Variants in ESR1 observed in about 807,000 individuals in gnomAD.
ESR1 encodes the protein estrogen receptor.
Under a neutral mutation model 52.7 loss-of-function variants are expected in ESR1, and 12 were observed. That is an observed-to-expected ratio of 0.23 (90% confidence interval 0.15 to 0.37). The LOEUF is 0.37. Ranked by LOEUF, ESR1 falls within the 10% of genes least tolerant of loss-of-function variation. The pLI is 1.00. For synonymous variants in ESR1, 305 were observed against 316.8 expected, an observed-to-expected ratio of 0.96 and a Z score of 0.39; for missense variants, 584 against 779.7, an observed-to-expected ratio of 0.75 and a Z score of 2.99.
Position 152,042,540 on chromosome 6 carries a change from T to C in ESR1, c.1236-18451T>C, listed in dbSNP as rs367796639. ...GGGGAAGGATGGGAGAAAGAGTCAC[T>C]GCATAAATTGTCAGCAATGTAGTGG... On this transcript the variant is annotated intron_variant, in intron 5 of 7. Transcript: ENST00000206249. Among the ~76,000 whole-genome samples, 4 of 152,252 alleles carry C rather than the reference T, an allele frequency of 2.6e-5. No individual in the cohort carries two copies. The East Asian group carries it at 7.7e-4, about 29-fold the overall frequency.
intron 6 of ESR1, among the ~76,000 whole-genome samples, chr6:152,071,540 G>A (rs1585105363): frequency 6.6e-6 from 1 of 152,020 alleles, no homozygotes; most frequent in African/African-American, 2.4e-5. Context: ...TACCTCATAG[G>A]GCTATTTTTA....
chr6:152,024,801 TATAC>T, intron 5 of ESR1, among the ~76,000 whole-genome samples: 1 of 148,702 alleles, frequency 6.7e-6, no homozygotes, highest in South Asian at 2.1e-4. Context: ...TATCTATAAA[TATAC>T]ATATATGTGT....
At chr6:152,042,857 C>A (rs963523961) in intron 5 of ESR1, among the ~76,000 whole-genome samples, 1 of 152,176 alleles carries the variant, frequency 6.6e-6, no homozygotes, top group African/African-American at 2.4e-5. Context: ...CTGACCTTTA[C>A]GGTAATTGCA....
intron 2 of ESR1, among the ~76,000 whole-genome samples, chr6:151,853,125 T>C (rs1273718168): frequency 8.0e-6 from 1 of 124,668 alleles, no homozygotes; most frequent in African/African-American, 3.2e-5. Flanking sequence ...TGAGCCGAGA[T>C]TGCACCACTG....
chr6:152,124,538 A>G (rs1297990798), intron 6 of ESR1, among the ~76,000 whole-genome samples: 1 of 152,200 alleles, frequency 6.6e-6, no homozygotes, highest in African/African-American at 2.4e-5. Flanking sequence ...ATGGTCTTCT[A>G]ACTTTAAAGT....
intron 1 of ESR1, chr6:151,809,330 C>G (rs191913614): frequency 3.9e-4 from 114 of 292,450 alleles, no homozygotes; most frequent in African/African-American, 2.5e-3. Context: ...TCCCTCTCCT[C>G]TCCCTCCCAT....
intron 6 of ESR1, among the ~76,000 whole-genome samples, chr6:152,080,036 T>C (rs9479208): frequency 0.21 from 32,075 of 152,004 alleles, 4,782 homozygotes; most frequent in African/African-American, 0.41. Flanking sequence ...TGGGAAGTGA[T>C]GGGGAGAATG....
At chr6:151,766,464 G>T (rs537487720) in intron 2 of ESR1, among the ~76,000 whole-genome samples, 5 of 151,818 alleles carry the variant, frequency 3.3e-5, no homozygotes, top group Admixed American at 3.3e-4. Flanking sequence ...CTGGGTGATC[G>T]AGTGAGACCC....
intron 4 of ESR1, among the ~76,000 whole-genome samples, chr6:151,985,065 C>A (rs2040328656): frequency 6.6e-6 from 1 of 151,916 alleles, no homozygotes; most frequent in Non-Finnish European, 1.5e-5. Flanking sequence ...TATGAATGTC[C>A]CCCAACATAG....
At chr6:151,810,285 A>T (rs7739843) in intron 1 of ESR1, among the ~76,000 whole-genome samples, 8,919 of 144,460 alleles carry the variant, frequency 0.062, 515 homozygotes, top group South Asian at 0.16. Context: ...CTTAAAAATT[A>T]AAAAAAAAAC....
intron 3 of ESR1, among the ~76,000 whole-genome samples, chr6:151,898,740 C>T (rs1026729770): frequency 2.0e-5 from 3 of 152,138 alleles, no homozygotes; most frequent in African/African-American, 7.2e-5. Context: ...CAACAGGATC[C>T]CAAGGCAGAA....
At position 152,094,278 on chromosome 6, in the gene ESR1, T is replaced by G. The variant is rs2050438293; in HGVS notation, c.1370-107T>G. 1.1e-5 allele frequency: 10 copies of G among 936,414 alleles called. No individual in the cohort carries two copies. Among genetic ancestry groups the G allele is most frequent in the Non-Finnish European group, 1.8e-5 (10 of 565,032 alleles). The allele number at this position is 936,414 out of a possible 1,614,324, so 58.0% of individuals were successfully genotyped here. On this transcript the variant is annotated intron_variant, in intron 6 of 7. Coordinates refer to ENST00000206249, the MANE Select transcript of ESR1 (RefSeq NM_000125.4). This position sits in a 1 kb window ranked among gnomAD's most constrained non-coding sequence, Gnocchi z 4.6. ...GAGCATCCCCATTGCTAGACTACTGTGCTGAGGAAGGGCACTGGCTCATTG... is the reference window on the plus strand; with the variant it reads ...GAGCATCCCCATTGCTAGACTACTGGGCTGAGGAAGGGCACTGGCTCATTG...
intron 4 of ESR1, among the ~76,000 whole-genome samples, chr6:152,011,284 C>T (rs1293269243): frequency 5.3e-5 from 8 of 152,094 alleles, no homozygotes; most frequent in African/African-American, 1.7e-4. Flanking sequence ...AATTTCTTAG[C>T]ACCTTAGCAT....
At chr6:152,019,223 A>T (rs2043418925) in intron 5 of ESR1, among the ~76,000 whole-genome samples, 1 of 152,214 alleles carries the variant, frequency 6.6e-6, no homozygotes, top group African/African-American at 2.4e-5. Context: ...TGCACTTTAA[A>T]TGGGCCAATT....
intron 3 of ESR1, among the ~76,000 whole-genome samples, chr6:151,882,662 C>T (rs780854783): frequency 6.6e-6 from 1 of 152,074 alleles, no homozygotes; most frequent in Non-Finnish European, 1.5e-5. Context: ...CATACATTCT[C>T]CTTGAAAGCT....
chr6:151,853,413 T>C (rs1787250598), intron 2 of ESR1, among the ~76,000 whole-genome samples: 2 of 152,250 alleles, frequency 1.3e-5, no homozygotes, highest in South Asian at 4.2e-4. Flanking sequence ...CCTGTGAAAC[T>C]TAGATGTGTT....
chr6:152,038,794 C>A (rs3020351), intron 5 of ESR1, among the ~76,000 whole-genome samples: 66,672 of 151,784 alleles, frequency 0.44, 16,590 homozygotes, highest in African/African-American at 0.67. Context: ...CCACACCTGG[C>A]TAATTTTTGT....
intron 4 of ESR1, among the ~76,000 whole-genome samples, chr6:152,010,944 C>T (rs1184504704): frequency 6.6e-6 from 1 of 151,720 alleles, no homozygotes; most frequent in Admixed American, 6.6e-5. Context: ...TTCCTTCTTC[C>T]TTCCTTTCTT....
chr6:151,658,605 C>A (rs1264727270), intron 1 of ESR1, among the ~76,000 whole-genome samples: 1 of 151,994 alleles, frequency 6.6e-6, no homozygotes, highest in African/African-American at 2.4e-5. Flanking sequence ...ATAATATGTG[C>A]TTTTATTTAT....
Sources: allele counts gnomAD v4.1 joint callset (sites outside exome capture counted in the v4.1 genomes callset), GRCh38; gene constraint gnomAD v4.1.1; non-coding constraint Gnocchi (gnomAD v3.1); transcripts MANE v1.5; gene names NCBI Gene and HGNC (gene_info 2026-07-23, HGNC 2026-07-21).